Variants in STAB1 observed in about 807,000 individuals in gnomAD.
STAB1 encodes stabilin-1.
Under a neutral mutation model 332.4 loss-of-function variants are expected in STAB1, and 250 were observed. That is an observed-to-expected ratio of 0.75 (90% CI 0.68 to 0.84). The LOEUF (loss-of-function observed/expected upper bound fraction) is 0.84. Among genes scored for constraint, STAB1 ranks in the 40% least tolerant of loss-of-function variants. STAB1 has a pLI of 0.00. For missense variants in STAB1, 3,249 were observed against 3,489.7 expected, an observed-to-expected ratio of 0.93 and a Z score of 1.74; for synonymous variants, 1,475 against 1,390.4, an observed-to-expected ratio of 1.06 and a Z score of -1.35.
In STAB1 at chr3:52,503,789, G is replaced by T; in HGVS notation, c.909G>T (p.Arg303=). The T allele has an allele frequency of 6.2e-7, 1 of 1,613,140 alleles. No homozygotes were observed. The highest frequency in any genetic ancestry group is 8.5e-7 in the Non-Finnish European group (1 of 1,180,032). Residue 303 remains arginine (R), a synonymous_variant, in exon 9 of 69, where the codon CGG becomes CGT. Coordinates refer to ENST00000321725, the MANE Select transcript of STAB1 (RefSeq NM_015136.3). ...GGGGCCAGGCCTTCTGCACCTGCCG[G>T]CCAGGCCTGGTCAGCATCAACAGCA... The part of the protein sequence containing the change: ...QKPGQAFCTC[R]PGLVSINSNA...
chr3:52,495,812 T>C (rs751292779), intron 1 of STAB1, among the ~76,000 whole-genome samples: 3 of 152,196 alleles, frequency 2.0e-5, no homozygotes, highest in Non-Finnish European at 4.4e-5. Flanking sequence ...CCAGGTCTTA[T>C]GTGGCCCTCA....
intron 8 of STAB1, 75 bp downstream of exon 8, chr3:52,503,615 C>T: frequency 6.4e-7 from 1 of 1,574,540 alleles, no homozygotes; most frequent in South Asian, 1.2e-5. Flanking sequence ...GGGCAAGTCA[C>T]AGGCCTTCTG....
intron 59 of STAB1, 28 bp downstream of exon 59, chr3:52,522,258 A>G (rs1413497452): frequency 6.2e-7 from 1 of 1,611,528 alleles, no homozygotes; most frequent in Admixed American, 1.7e-5. Flanking sequence ...CCGAGTAGCC[A>G]GGGTGGGGAG....
chr3:52,520,331 C>T (rs1398526377), intron 52 of STAB1, 41 bp downstream of exon 52: 17 of 1,612,824 alleles, frequency 1.1e-5, no homozygotes, highest in East Asian at 2.2e-5. Context: ...GAGTAGGAGG[C>T]AGGGGCCCTG....
Position 52,523,699 on chromosome 3 carries a change from G to T in STAB1, c.7338G>T (p.Met2446Ile). The T allele has an allele frequency of 1.2e-6, 2 of 1,610,810 alleles. No homozygotes were observed. The highest frequency in any genetic ancestry group is 1.7e-6 in the Non-Finnish European group (2 of 1,178,264). Residue 2446 changes from methionine to isoleucine, a missense_variant, in exon 66 of 69, where the codon ATG (methionine) becomes ATT (isoleucine). Transcript: ENST00000321725. Reference protein sequence around the residue: ...VVSRIIVWDIMAFNGIIHALA... With the variant: ...VVSRIIVWDIIAFNGIIHALA... The stretch of plus-strand genomic sequence containing the variant: ...GCCGTATCATTGTGTGGGACATCAT[G>T]GCCTTCAATGGCATCATCCATGCTC...
Position 52,510,492 on chromosome 3 carries a change from T to G in STAB1, c.2772T>G (p.Tyr924Ter), listed in dbSNP as rs376446433. 1.9e-6 allele frequency: 3 copies of G among 1,613,236 alleles called. No individual in the cohort carries two copies. Among genetic ancestry groups the G allele is most frequent in the Non-Finnish European group, 2.5e-6 (3 of 1,179,830 alleles). ...GGCHTDALCS[Y>*]VGPGQSRCTC... is the part of the protein sequence containing the mutation. The stretch of plus-strand genomic sequence containing the variant: ...GCCACACCGATGCCCTCTGCAGCTA[T>G]GTGGGCCCCGGGCAGGTGAGGTGCA... Residue 924 changes from tyrosine (Y) to a stop codon, truncating the protein, a stop_gained, in exon 25 of 69, where the codon TAT becomes TAG. Coordinates refer to ENST00000321725, the MANE Select transcript of STAB1 (RefSeq NM_015136.3). LOFTEE classifies it high-confidence loss of function.
chr3:52,498,393 T>C (rs1157379323), intron 1 of STAB1, among the ~76,000 whole-genome samples: 1 of 152,142 alleles, frequency 6.6e-6, no homozygotes, highest in East Asian at 1.9e-4. Context: ...AACGGCAAGA[T>C]GTGGGCTCAG....
In STAB1 at chr3:52,508,314, G is replaced by A. The variant is rs202162251; in HGVS notation, c.2190G>A (p.Thr730=). 49 of 1,613,782 alleles carry A rather than the reference G, an allele frequency of 3.0e-5. No individual in the cohort carries two copies. Among genetic ancestry groups the A allele is most frequent in the East Asian group, 1.3e-4 (6 of 44,884 alleles). The part of the protein sequence containing the change: ...CCKGFFGPDC[T]QCPGGFSNPC... ...AAGGTTTTTTCGGGCCTGACTGCACGCAGTGTCCTGGGGGCTTCTCCAACC... is the reference window on the plus strand; with the variant it reads ...AAGGTTTTTTCGGGCCTGACTGCACACAGTGTCCTGGGGGCTTCTCCAACC... Residue 730 remains threonine, a synonymous_variant, in exon 21 of 69, where the codon ACG becomes ACA. Transcript: ENST00000321725.
intron 18 of STAB1, 75 bp downstream of exon 18, chr3:52,506,925 G>C: frequency 6.4e-7 from 1 of 1,570,038 alleles, no homozygotes; most frequent in Non-Finnish European, 8.7e-7. Context: ...CTCTTCCCAG[G>C]GAGAGGCGCT....
At position 52,512,648 on chromosome 3, in the gene STAB1, G is replaced by A; in HGVS notation, c.3027+5G>A. On this transcript the variant is annotated splice_donor_5th_base_variant and intron_variant, in intron 28 of 68. Coordinates refer to ENST00000321725, the MANE Select transcript of STAB1 (RefSeq NM_015136.3). ...ATCTTCTACCAATGGCTTAAGGTAG[G>A]ACAGGGCAGAATGCTGGGGTTGAGG... 1 of 1,613,714 alleles carries A rather than the reference G, an allele frequency of 6.2e-7. No individual in the cohort carries two copies. Among genetic ancestry groups the A allele is most frequent in the Non-Finnish European group, 8.5e-7 (1 of 1,180,020 alleles).
Position 52,510,242 on chromosome 3 carries a change from C to G in STAB1, c.2628+7C>G. The G allele has an allele frequency of 6.2e-7, 1 of 1,614,054 alleles. No individual in the cohort carries two copies. Reference sequence around the variant, plus strand: ...TGGAGGCTGCTCAGAGAATGTCAGTCCCCTTGCTCCTTCCCTGAAGTTCTG... The same window carrying G: ...TGGAGGCTGCTCAGAGAATGTCAGTGCCCTTGCTCCTTCCCTGAAGTTCTG... On this transcript the variant is annotated splice_region_variant and intron_variant, in intron 24 of 68. Coordinates refer to ENST00000321725, the MANE Select transcript of STAB1 (RefSeq NM_015136.3).
intron 1 of STAB1, among the ~76,000 whole-genome samples, chr3:52,496,325 G>A (rs1237777601): frequency 6.6e-6 from 1 of 152,210 alleles, no homozygotes; most frequent in Admixed American, 6.5e-5. Flanking sequence ...GATGGGGGTA[G>A]TCTCTCTCCT....
Position 52,514,791 on chromosome 3 carries a change from T to C in STAB1, c.3769T>C (p.Ser1257Pro), listed in dbSNP as rs2078799206. Residue 1257 changes from serine to proline, a missense_variant, in exon 35 of 69, where the codon TCA (serine) becomes CCA (proline). Ser to Pro is a moderately conservative substitution (Grantham distance 74). Coordinates refer to ENST00000321725, the MANE Select transcript of STAB1 (RefSeq NM_015136.3). Reference sequence around the variant, plus strand: ...TCTGTCGGGGGTCCTGACGGTGGGCTCAAGTCGCTGCCTGCATAGCCACGC... The same window carrying C: ...TCTGTCGGGGGTCCTGACGGTGGGCCCAAGTCGCTGCCTGCATAGCCACGC... ...IGLSGVLTVG[S>P]SRCLHSHAEA... The C allele has an allele frequency of 6.2e-7, 1 of 1,612,802 alleles. No individual in the cohort carries two copies. The highest frequency in any genetic ancestry group is 8.5e-7 in the Non-Finnish European group (1 of 1,179,964).
Position 52,516,975 on chromosome 3 carries a change from TC to T in STAB1, c.4364-5del. The T allele has an allele frequency of 6.2e-7, 1 of 1,610,308 alleles. No individual in the cohort carries two copies. The highest frequency in any genetic ancestry group is 8.5e-7 in the Non-Finnish European group (1 of 1,179,136). Reference sequence around the variant, plus strand: ...TGCTCCTGAGGACTCTCTGGCCATCTCCCCTTAGAGGTGGACCCCTGCGCCC... The same window carrying T: ...TGCTCCTGAGGACTCTCTGGCCATCTCCCTTAGAGGTGGACCCCTGCGCCC... On this transcript the variant is annotated splice_polypyrimidine_tract_variant and splice_region_variant and intron_variant, in intron 41 of 68. Transcript: ENST00000321725.
chr3:52,503,732 G>T (rs758843611), intron 8 of STAB1, 40 bp from the exon 9 acceptor site: 3 of 1,611,286 alleles, frequency 1.9e-6, no homozygotes, highest in East Asian at 4.5e-5. Flanking sequence ...GGTTCTTGGG[G>T]TTGGACGTGG....
chr3:52,501,362 C>T (rs190986105), intron 2 of STAB1, 60 bp downstream of exon 2: 13 of 1,587,278 alleles, frequency 8.2e-6, no homozygotes, highest in East Asian at 6.8e-5. Context: ...GGCAGGGACT[C>T]GGGGAGCCTG....
Position 52,521,022 on chromosome 3 carries a change from CTGT to C in STAB1, c.5908+20_5908+22del. ...AGTGCCAAGGTGAGCATTGCAGACACTGTTGACTAGCTCCTCTGTTCCCCAAGA... is the reference window on the plus strand; with the variant it reads ...AGTGCCAAGGTGAGCATTGCAGACACTGACTAGCTCCTCTGTTCCCCAAGA... On this transcript the variant is annotated intron_variant, in intron 55 of 68. Transcript: ENST00000321725. The C allele has an allele frequency of 6.6e-7, 1 of 1,521,260 alleles. No homozygotes were observed. Among genetic ancestry groups the C allele is most frequent in the Non-Finnish European group, 8.8e-7 (1 of 1,136,400 alleles). 94.2% of individuals were successfully genotyped at this position (1,521,260 alleles called of 1,614,324 possible).
In STAB1 at chr3:52,503,759, T is replaced by TG; in HGVS notation, c.892-12dup. 1 of 1,612,862 alleles carries TG rather than the reference T, an allele frequency of 6.2e-7. No individual in the cohort carries two copies. The highest frequency in any genetic ancestry group is 1.3e-5 in the African/African-American group (1 of 75,042). ...TGGACGTGGTGTTCCCCTCCTGCCC[T>TG]GTCGGGGGCCAGGCCTTCTGCACCT... On this transcript the variant is annotated splice_polypyrimidine_tract_variant and intron_variant, in intron 8 of 68. Transcript: ENST00000321725.
rs2078883469 is a variant in STAB1, at chr3:52,516,829, G to T, written c.4363+61G>T. On this transcript the variant is annotated intron_variant, in intron 41 of 68. Transcript: ENST00000321725. ...ATTTTGGGGTGGCTGTCCCCACAGAGCCCCCTTCACTTCCTCTAGGCCCAG... is the reference window on the plus strand; with the variant it reads ...ATTTTGGGGTGGCTGTCCCCACAGATCCCCCTTCACTTCCTCTAGGCCCAG... 5 of 1,592,474 alleles carry T rather than the reference G, an allele frequency of 3.1e-6. No individual in the cohort carries two copies. The South Asian group carries it at 4.5e-5, about 14-fold the overall frequency.
Sources: allele counts gnomAD v4.1 joint callset (sites outside exome capture counted in the v4.1 genomes callset), GRCh38; gene constraint gnomAD v4.1.1; transcripts MANE v1.5; gene names NCBI Gene and HGNC (gene_info 2026-07-23, HGNC 2026-07-21).